SORCS3: variants seen among roughly 807,000 people sequenced by gnomAD.
SORCS3 encodes sortilin related VPS10 domain containing receptor 3.
In SORCS3, 57 loss-of-function variants were observed where a neutral mutation model predicts 146.3. The ratio of observed to expected loss-of-function variants is 0.39; its 90% CI spans 0.31 to 0.49. SORCS3 has a LOEUF of 0.49. Ranked by LOEUF, SORCS3 falls within the 20% of genes least tolerant of loss-of-function variation. SORCS3 has a pLI of 0.92. For synonymous variants in SORCS3, 653 were observed against 618.5 expected (o/e 1.06, Z -0.83); for missense variants, 1,341 against 1,575.5 (o/e 0.85, Z 2.52).
chr10:105,109,182 T>C (rs912389524), intron 7 of SORCS3, among the ~76,000 whole-genome samples: 2 of 152,170 alleles, frequency 1.3e-5, no homozygotes, highest in African/African-American at 4.8e-5. Context: ...GAATTTCTAA[T>C]TTTCTCCCTC....
At chr10:104,684,909 C>T (rs1053027320) in intron 1 of SORCS3, among the ~76,000 whole-genome samples, 3 of 147,010 alleles carry the variant, frequency 2.0e-5, no homozygotes, top group East Asian at 2.1e-4. Flanking sequence ...CCTCTGCCTC[C>T]CGGGTTTCAG....
At chr10:105,164,500 G>C (rs1403134142) in intron 12 of SORCS3, 121 bp downstream of exon 12, 1 of 795,356 alleles carries the variant, frequency 1.3e-6, no homozygotes, top group Non-Finnish European at 2.1e-6. Flanking sequence ...ATTTGAAGCA[G>C]CTGTTCAGTT....
chr10:104,808,618 A>G (rs2017706800), intron 1 of SORCS3, among the ~76,000 whole-genome samples: 1 of 152,238 alleles, frequency 6.6e-6, no homozygotes, highest in African/African-American at 2.4e-5. Context: ...GGCAATTTGC[A>G]GTTGTTTCCA....
chr10:105,249,630 C>G (rs1245495499), intron 22 of SORCS3, among the ~76,000 whole-genome samples: 1 of 152,036 alleles, frequency 6.6e-6, no homozygotes, highest in African/African-American at 2.4e-5. Flanking sequence ...GCCTGTAATC[C>G]TAGCACTTTG....
intron 5 of SORCS3, among the ~76,000 whole-genome samples, chr10:105,070,953 A>C (rs1180420585): frequency 6.6e-6 from 1 of 152,102 alleles, no homozygotes; most frequent in East Asian, 1.9e-4. Context: ...ATATGCAGAC[A>C]GTGATGGGAG....
chr10:105,220,505 C>T (rs1399756610), intron 19 of SORCS3, among the ~76,000 whole-genome samples: 1 of 152,156 alleles, frequency 6.6e-6, no homozygotes, highest in Non-Finnish European at 1.5e-5. Context: ...TGCATCATTG[C>T]TTAACTGTGG....
chr10:105,157,326 G>A lies in SORCS3; in HGVS notation c.1629+42G>A, dbSNP rs1400698366. On this transcript the variant is annotated intron_variant, in intron 10 of 26. Coordinates refer to ENST00000369701, the MANE Select transcript of SORCS3 (RefSeq NM_014978.3). ...CATGGGAAGTTCACAGGGCAGGCTG[G>A]CCACCTGCAGAAGCTGTGTCGAGGG... is the stretch of plus-strand genomic sequence containing the variant. 13 of 1,606,156 alleles carry A rather than the reference G, an allele frequency of 8.1e-6. No individual in the cohort carries two copies. In the East Asian group the frequency reaches 1.8e-4, roughly 22 times the overall value.
chr10:104,663,778 CT>C (rs2015732397), intron 1 of SORCS3, among the ~76,000 whole-genome samples: 1 of 152,190 alleles, frequency 6.6e-6, no homozygotes, highest in East Asian at 1.9e-4. Flanking sequence ...CATGCTGCTG[CT>C]GAATGAACCA....
chr10:104,784,147 C>A (rs1162727354), intron 1 of SORCS3, among the ~76,000 whole-genome samples: 1 of 152,140 alleles, frequency 6.6e-6, no homozygotes, highest in Non-Finnish European at 1.5e-5. Context: ...TAGAAAAGAC[C>A]CCAGAACTGG....
intron 1 of SORCS3, among the ~76,000 whole-genome samples, chr10:104,825,154 G>A (rs2017921089): frequency 6.6e-6 from 1 of 152,134 alleles, no homozygotes; most frequent in Admixed American, 6.5e-5. Flanking sequence ...TGAGGACATG[G>A]CATTTCCTCA....
intron 1 of SORCS3, among the ~76,000 whole-genome samples, chr10:104,688,230 C>G (rs559712426): frequency 1.3e-5 from 2 of 152,326 alleles, no homozygotes; most frequent in South Asian, 4.1e-4. Context: ...TCCAGTGAAG[C>G]AGGGTTGTGG....
rs779018603 is a variant in SORCS3 at position 105,245,545 on chromosome 10, C to T, written c.2872C>T (p.Leu958Phe). ...GTATTGTTACTTCTTCTTGTAGCCTCTCATCACTTTGGACAGCAGCATTTC... is the reference window on the plus strand; with the variant it reads ...GTATTGTTACTTCTTCTTGTAGCCTTTCATCACTTTGGACAGCAGCATTTC... ...FWWFGNSTKPLITLDSSISFT... is the reference protein window; with the variant it reads ...FWWFGNSTKPFITLDSSISFT... Residue 958 changes from leucine (L) to phenylalanine (F), a missense_variant, in exon 21 of 27, where the codon CTC becomes TTC. Transcript: ENST00000369701. 3.6e-5 allele frequency: 58 copies of T among 1,614,112 alleles called. No individual in the cohort carries two copies. The highest frequency in any genetic ancestry group is 4.8e-5 in the Non-Finnish European group (57 of 1,179,984).
intron 3 of SORCS3, among the ~76,000 whole-genome samples, chr10:104,955,134 C>T (rs2019473710): frequency 6.6e-6 from 1 of 151,604 alleles, no homozygotes; most frequent in African/African-American, 2.4e-5. Flanking sequence ...CATTTTATCA[C>T]CCCCAAAAGA....
chr10:105,259,193 T>C (rs1430958154), intron 25 of SORCS3, among the ~76,000 whole-genome samples: 1 of 152,216 alleles, frequency 6.6e-6, no homozygotes, highest in Admixed American at 6.5e-5. Context: ...GCCAGTAGTC[T>C]GACTGAGGAA....
intron 5 of SORCS3, among the ~76,000 whole-genome samples, chr10:105,070,009 A>T (rs2055546705): frequency 1.3e-5 from 2 of 152,104 alleles, no homozygotes; most frequent in South Asian, 4.1e-4. Flanking sequence ...GAAGGGCTCT[A>T]CTGTGTTCAG....
intron 1 of SORCS3, among the ~76,000 whole-genome samples, chr10:104,828,950 G>T (rs2133535181): frequency 6.6e-6 from 1 of 152,212 alleles, no homozygotes; most frequent in African/African-American, 2.4e-5. Context: ...ATCCTTGAAA[G>T]ACATTGCTCC....
chr10:104,909,052 G>A (rs534701444), intron 2 of SORCS3, among the ~76,000 whole-genome samples: 61 of 152,184 alleles, frequency 4.0e-4, no homozygotes, highest in African/African-American at 1.4e-3. Context: ...CAGAGGTGGA[G>A]GCTGATATTC....
At chr10:105,089,129 T>C in intron 5 of SORCS3, among the ~76,000 whole-genome samples, 1 of 152,210 alleles carries the variant, frequency 6.6e-6, no homozygotes, top group East Asian at 1.9e-4. Flanking sequence ...CAGGCCTCCA[T>C]CTTCTAGGTG....
intron 1 of SORCS3, among the ~76,000 whole-genome samples, chr10:104,816,612 C>T (rs1444065910): frequency 6.6e-6 from 1 of 152,178 alleles, no homozygotes; most frequent in Non-Finnish European, 1.5e-5. Context: ...AGTAGCTATT[C>T]CCATGGAGCC....
Sources: gnomAD v4.1 joint callset for allele counts (sites outside exome capture counted in the v4.1 genomes callset) on GRCh38, gnomAD v4.1.1 for gene constraint, MANE v1.5 for transcripts, NCBI Gene and HGNC (gene_info 2026-07-23, HGNC 2026-07-21) for gene names.